The following EBF1 variants were observed in gnomAD, a reference collection of about 807,000 sequenced individuals.
The protein encoded by EBF1 is transcription factor COE1.
Under a neutral mutation model 68.4 loss-of-function variants are expected in EBF1, and 10 were observed. That is an observed-to-expected ratio of 0.15 (90% CI 0.09 to 0.25). EBF1 has a LOEUF of 0.25. Among genes scored for constraint, EBF1 ranks in the 10% least tolerant of loss-of-function variants. The pLI is 1.00. For missense variants in EBF1, 509 were observed against 794.4 expected (o/e 0.64, Z 4.32); for synonymous variants, 298 against 299.8 (o/e 0.99, Z 0.06).
Position 158,969,919 on chromosome 5 carries a change from A to AGAAAGAAAGAAAGAAG in EBF1, c.554+103476_554+103477insCTTCTTTCTTTCTTTC, listed in dbSNP as rs199980397. On this transcript the variant is annotated intron_variant, in intron 6 of 15. Coordinates refer to ENST00000313708, the MANE Select transcript of EBF1 (RefSeq NM_024007.5). Reference sequence around the variant, plus strand: ...AAGAAAGAAAGAAAGAAAGAAAGAAAAAAAAAAAAAAGGCTGCTGGAAGTT... The same window carrying AGAAAGAAAGAAAGAAG: ...AAGAAAGAAAGAAAGAAAGAAAGAAAGAAAGAAAGAAAGAAGAAAAAAAAAAAGGCTGCTGGAAGTT... Among the ~76,000 whole-genome samples the AGAAAGAAAGAAAGAAG allele has an allele frequency of 4.2e-4, 25 of 60,214 alleles. 1 individual carries two copies. The highest frequency in any genetic ancestry group is 2.2e-3 in the Admixed American group (13 of 5,854). The allele number at this position is 60,214 out of a possible 152,430, so 39.5% of individuals were successfully genotyped here. A position where few individuals can be genotyped will look rare whatever the true frequency, so the allele number is the denominator to read the frequency against.
intron 6 of EBF1, among the ~76,000 whole-genome samples, chr5:158,843,234 G>A (rs1444200288): frequency 8.5e-5 from 13 of 152,188 alleles, no homozygotes; most frequent in Admixed American, 8.5e-4. Context: ...CCAGATTCAG[G>A]TTGTGCTAGA....
At chr5:159,087,435 TATATACATATATATATAC>T (rs1780914265) in intron 4 of EBF1, among the ~76,000 whole-genome samples, 1 of 149,094 alleles carries the variant, frequency 6.7e-6, no homozygotes, top group Non-Finnish European at 1.5e-5. Context: ...TACACACATA[TATATACATATATATATAC>T]ACACACACAC....
chr5:158,816,123 T>A (rs561007100), intron 8 of EBF1, among the ~76,000 whole-genome samples: 13 of 152,368 alleles, frequency 8.5e-5, no homozygotes, highest in African/African-American at 3.1e-4. Flanking sequence ...TGGGCTTGGC[T>A]GGGATTCTGC....
chr5:159,098,590 A>G (rs1783069832), intron 1 of EBF1, among the ~76,000 whole-genome samples: 1 of 151,908 alleles, frequency 6.6e-6, no homozygotes, highest in Non-Finnish European at 1.5e-5. Flanking sequence ...AAGAAAGAAG[A>G]GAAAGAAAAT....
chr5:158,736,729 T>C (rs905609696), intron 10 of EBF1, among the ~76,000 whole-genome samples: 4 of 152,210 alleles, frequency 2.6e-5, no homozygotes, highest in Non-Finnish European at 5.9e-5. Context: ...TTATTACATA[T>C]GTGTTAGGCA....
At chr5:159,050,152 TTCTCTCTCTCTC>T (rs148912326) in intron 6 of EBF1, among the ~76,000 whole-genome samples, 32 of 135,646 alleles carry the variant, frequency 2.4e-4, no homozygotes, top group Admixed American at 1.6e-3. Flanking sequence ...TCGTTTCTCT[TTCTCTCTCTCTC>T]TCTCTCTCTC....
At chr5:159,034,374 C>T (rs1327375004) in intron 6 of EBF1, among the ~76,000 whole-genome samples, 1 of 152,094 alleles carries the variant, frequency 6.6e-6, no homozygotes, top group Non-Finnish European at 1.5e-5. Flanking sequence ...AATTATTCAG[C>T]CCAATGGCTA....
intron 8 of EBF1, among the ~76,000 whole-genome samples, chr5:158,805,571 T>C (rs796304122): frequency 2.0e-5 from 3 of 152,126 alleles, no homozygotes; most frequent in Non-Finnish European, 4.4e-5. Flanking sequence ...CATATTACCT[T>C]GGTCTTTTTC....
intron 9 of EBF1, among the ~76,000 whole-genome samples, chr5:158,792,821 T>C (rs1484962277): frequency 2.6e-5 from 4 of 152,266 alleles, no homozygotes; most frequent in African/African-American, 9.6e-5. Context: ...AATCCAGTGG[T>C]GCCGATCACA....
intron 9 of EBF1, among the ~76,000 whole-genome samples, chr5:158,795,865 A>C (rs1387399718): frequency 6.6e-6 from 1 of 152,086 alleles, no homozygotes; most frequent in East Asian, 1.9e-4. Flanking sequence ...CCAGCAAATC[A>C]CTCTGTCTGA....
chr5:158,842,754 C>T (rs1003729752), intron 6 of EBF1, among the ~76,000 whole-genome samples: 8 of 152,168 alleles, frequency 5.3e-5, no homozygotes, highest in African/African-American at 1.7e-4. Flanking sequence ...CAGTTCACTG[C>T]TAAGAACAAA....
intron 6 of EBF1, among the ~76,000 whole-genome samples, chr5:158,939,759 G>C (rs1046146082): frequency 6.7e-6 from 1 of 149,870 alleles, no homozygotes; most frequent in South Asian, 2.1e-4. Flanking sequence ...CCGGGCGGGG[G>C]TGGGGGAGGC....
chr5:159,003,460 G>GAAAAAAAAAA (rs11428979), intron 6 of EBF1, among the ~76,000 whole-genome samples: 1 of 143,800 alleles, frequency 7.0e-6, no homozygotes. Flanking sequence ...ACAACTGCAG[G>GAAAAAAAAAA]AAAAAAAAAA....
intron 10 of EBF1, among the ~76,000 whole-genome samples, chr5:158,767,404 T>G (rs756540693): frequency 3.9e-5 from 6 of 152,132 alleles, no homozygotes; most frequent in Non-Finnish European, 7.4e-5. Flanking sequence ...CACCAACAAC[T>G]GCATTTCAGG....
chr5:158,873,597 CAT>C (rs1376618119), intron 6 of EBF1, among the ~76,000 whole-genome samples: 1 of 152,092 alleles, frequency 6.6e-6, no homozygotes, highest in Non-Finnish European at 1.5e-5. Context: ...AAGAAAGCAA[CAT>C]AATTAAAAGT....
intron 7 of EBF1, among the ~76,000 whole-genome samples, chr5:158,829,481 G>A (rs932295955): frequency 3.3e-5 from 5 of 151,590 alleles, no homozygotes; most frequent in Admixed American, 6.6e-5. Context: ...CACCACACCC[G>A]GCCCACAAAA....
chr5:158,925,915 C>A (rs1809601155), intron 6 of EBF1, among the ~76,000 whole-genome samples: 1 of 152,122 alleles, frequency 6.6e-6, no homozygotes, highest in South Asian at 2.1e-4. Flanking sequence ...AAACAGTCCA[C>A]AATATTATTC....
At chr5:159,045,701 G>T (rs1772238414) in intron 6 of EBF1, among the ~76,000 whole-genome samples, 2 of 152,168 alleles carry the variant, frequency 1.3e-5, no homozygotes, top group Admixed American at 1.3e-4. Context: ...GAAGTAGGAT[G>T]GAAGTCCAAA....
rs534374216 is a variant in EBF1, at chr5:158,840,645, G to GTTTTTTTTTTTTTTTTTTTTTTTTTTTTT, written c.555-536_555-535insAAAAAAAAAAAAAAAAAAAAAAAAAAAAA. Among the ~76,000 whole-genome samples, 5 of 64,778 alleles carry GTTTTTTTTTTTTTTTTTTTTTTTTTTTTT rather than the reference G, an allele frequency of 7.7e-5. 1 individual carries two copies. The highest frequency in any genetic ancestry group is 5.1e-4 in the Admixed American group (2 of 3,922). The allele number at this position is 64,778 out of a possible 152,430, so 42.5% of individuals were successfully genotyped here. A position where few individuals can be genotyped will look rare whatever the true frequency, so the allele number is the denominator to read the frequency against. On this transcript the variant is annotated intron_variant, in intron 6 of 15. Coordinates refer to ENST00000313708, the MANE Select transcript of EBF1 (RefSeq NM_024007.5). ...TCCTTTGACTTCTCAAATACCTCCTGTTTTTTTTTTTTTTTTTTTTTTTTT... is the reference window on the plus strand; with the variant it reads ...TCCTTTGACTTCTCAAATACCTCCTGTTTTTTTTTTTTTTTTTTTTTTTTTTTTTTTTTTTTTTTTTTTTTTTTTTTTTT...
Sources: allele counts gnomAD v4.1 joint callset (sites outside exome capture counted in the v4.1 genomes callset), GRCh38; gene constraint gnomAD v4.1.1; transcripts MANE v1.5; gene names NCBI Gene and HGNC (gene_info 2026-07-23, HGNC 2026-07-21).